TMTC3: variants seen among roughly 807,000 people sequenced by gnomAD.
TMTC3 encodes the protein transmembrane O-mannosyltransferase targeting cadherins 3.
A neutral mutation model predicts 92.2 loss-of-function variants in TMTC3; 52 were observed. The observed-to-expected ratio is 0.56, with a 90% CI of 0.45 to 0.71. The LOEUF is 0.71. Among genes scored for constraint, TMTC3 ranks in the 30% least tolerant of loss-of-function variants. The probability of loss-of-function intolerance (pLI) is 0.00; values close to 1 mark genes in which losing one functional copy is unlikely to be tolerated. For missense variants in TMTC3, 896 were observed against 1,057.1 expected (o/e 0.85, Z 2.11); for synonymous variants, 339 against 363.3 (o/e 0.93, Z 0.76).
At chr12:88,167,955 G>A (rs546786436) in intron 7 of TMTC3, among the ~76,000 whole-genome samples, 1 of 152,272 alleles carries the variant, frequency 6.6e-6, no homozygotes, top group Non-Finnish European at 1.5e-5. Flanking sequence ...GATGGTAGCT[G>A]TTAACATTCT....
intron 8 of TMTC3, chr12:88,173,151 T>C: frequency 8.9e-7 from 1 of 1,123,664 alleles, no homozygotes; most frequent in South Asian, 1.6e-5. Context: ...AATTTCTTGC[T>C]ATCATCACTA....
At chr12:88,164,379 G>GGT (rs2041119392) in intron 6 of TMTC3, among the ~76,000 whole-genome samples, 1 of 151,870 alleles carries the variant, frequency 6.6e-6, no homozygotes, top group Admixed American at 6.6e-5. Context: ...GCTCAGCCTG[G>GGT]GTTCCCTCTT....
intron 2 of TMTC3, among the ~76,000 whole-genome samples, chr12:88,150,511 G>A (rs1025935732): frequency 6.6e-6 from 1 of 152,064 alleles, no homozygotes; most frequent in Non-Finnish European, 1.5e-5. Flanking sequence ...ATTTGATTTT[G>A]TTCAGAAAGC....
At chr12:88,178,482 T>A (rs2041282817) in intron 10 of TMTC3, among the ~76,000 whole-genome samples, 1 of 152,110 alleles carries the variant, frequency 6.6e-6, no homozygotes, top group Non-Finnish European at 1.5e-5. Context: ...TAAAACCCCT[T>A]AACTTCCTCT....
chr12:88,189,517 TTTTA>T (rs1196240417), intron 11 of TMTC3, among the ~76,000 whole-genome samples: 3 of 152,320 alleles, frequency 2.0e-5, no homozygotes, highest in East Asian at 3.9e-4. Context: ...ATAAATATAA[TTTTA>T]TTTATGTATA....
intron 1 of TMTC3, among the ~76,000 whole-genome samples, 187 bp downstream of exon 1, chr12:88,142,674 A>G (rs561890132): frequency 6.6e-6 from 1 of 152,332 alleles, no homozygotes; most frequent in African/African-American, 2.4e-5. Context: ...GAAAAAACAA[A>G]AAGTTTTAGC....
chr12:88,161,158 G>A (rs1163673652), intron 6 of TMTC3, among the ~76,000 whole-genome samples: 1 of 152,010 alleles, frequency 6.6e-6, no homozygotes, highest in Admixed American at 6.5e-5. Context: ...GTCAGTTACT[G>A]AGAGATGTTG....
chr12:88,164,968 G>C (rs1403624070), intron 6 of TMTC3, among the ~76,000 whole-genome samples: 2 of 152,040 alleles, frequency 1.3e-5, no homozygotes, highest in Non-Finnish European at 2.9e-5. Context: ...AAATAGAGAA[G>C]ATTGAATTGT....
At chr12:88,172,206 G>A (rs564713139) in intron 7 of TMTC3, among the ~76,000 whole-genome samples, 1 of 152,088 alleles carries the variant, frequency 6.6e-6, no homozygotes, top group East Asian at 1.9e-4. Flanking sequence ...ATTCTTTACA[G>A]AAAACCAGTG....
Position 88,173,816 on chromosome 12 carries a change from G to C in TMTC3, c.1200-791G>C, listed in dbSNP as rs182024573. On this transcript the variant is annotated intron_variant, in intron 8 of 13. Transcript: ENST00000266712. Reference sequence around the variant, plus strand: ...TCTTGACACTTCTTAAGTCTGCTTTGCAGATGTGAACATTGAAGCCATATA... The same window carrying C: ...TCTTGACACTTCTTAAGTCTGCTTTCCAGATGTGAACATTGAAGCCATATA... Among the ~76,000 whole-genome samples, 258 of 152,104 alleles carry C rather than the reference G, an allele frequency of 1.7e-3. 1 individual carries two copies. The highest frequency in any genetic ancestry group is 4.6e-3 in the Admixed American group (71 of 15,270).
chr12:88,152,752 T>C (rs2040958154), intron 2 of TMTC3, among the ~76,000 whole-genome samples: 4 of 152,200 alleles, frequency 2.6e-5, no homozygotes, highest in Admixed American at 2.0e-4. Flanking sequence ...CTCTCTGTAA[T>C]TTGGGAATTC....
chr12:88,193,798 G>A (rs2041470813), intron 13 of TMTC3, among the ~76,000 whole-genome samples: 1 of 152,036 alleles, frequency 6.6e-6, no homozygotes, highest in Non-Finnish European at 1.5e-5. Flanking sequence ...TTTTTGTAAG[G>A]TTTTCTACCT....
At chr12:88,181,157 G>A (rs1408493555) in intron 10 of TMTC3, among the ~76,000 whole-genome samples, 1 of 152,060 alleles carries the variant, frequency 6.6e-6, no homozygotes. Flanking sequence ...AATTTTTGTG[G>A]GCCACCCCAT....
chr12:88,195,593 A>G lies in TMTC3; in HGVS notation c.2689A>G (p.Arg897Gly). Residue 897 changes from arginine to glycine, a missense_variant, in exon 14 of 14, where the codon AGA (arginine) becomes GGA (glycine). By Grantham distance (125) the Arg-to-Gly change is moderately radical. Transcript: ENST00000266712. ...AGACATCAAAGAAATTGAGAAGAAA[A>G]GAGTTGCTGCTTTAAAAAGACTAGA... The part of the protein sequence containing the change: ...TKDIKEIEKK[R>G]VAALKRLEEI... 6.2e-7 allele frequency: 1 copy of G among 1,603,874 alleles called. No individual in the cohort carries two copies. Among genetic ancestry groups the G allele is most frequent in the Non-Finnish European group, 8.5e-7 (1 of 1,177,494 alleles).
intron 10 of TMTC3, among the ~76,000 whole-genome samples, chr12:88,184,528 A>G (rs1483185735): frequency 6.6e-6 from 1 of 152,176 alleles, no homozygotes; most frequent in African/African-American, 2.4e-5. Flanking sequence ...CACCCTGACC[A>G]AACTCCTACA....
intron 13 of TMTC3, among the ~76,000 whole-genome samples, chr12:88,193,853 A>G (rs924297917): frequency 6.6e-6 from 1 of 152,154 alleles, no homozygotes; most frequent in African/African-American, 2.4e-5. Context: ...AGATTGTACT[A>G]TAAGGTTTGT....
intron 1 of TMTC3, among the ~76,000 whole-genome samples, chr12:88,144,403 C>G (rs184336702): frequency 6.6e-6 from 1 of 150,744 alleles, no homozygotes; most frequent in Non-Finnish European, 1.5e-5. Flanking sequence ...AACACCTTTT[C>G]TTCTGTTTTT....
chr12:88,156,250 G>T (rs977255446), intron 4 of TMTC3, among the ~76,000 whole-genome samples: 1 of 152,202 alleles, frequency 6.6e-6, no homozygotes, highest in African/African-American at 2.4e-5. Flanking sequence ...GTGAGCTCAA[G>T]CACATGTTCT....
In TMTC3 at chr12:88,195,615, T is replaced by C; in HGVS notation, c.2711T>C (p.Leu904Pro). ...AAAAGAGTTGCTGCTTTAAAAAGAC[T>C]AGAAGAGATTGAACGTATTTTAAAT... The part of the protein sequence containing the change: ...EKKRVAALKR[L>P]EEIERILNGE The change falls in exon 14 of 14, where the codon CTA becomes CCA. Residue 904 changes from leucine to proline, a missense_variant. By Grantham distance (98) the Leu-to-Pro change is moderately conservative. Coordinates refer to ENST00000266712, the MANE Select transcript of TMTC3 (RefSeq NM_181783.4). The C allele has an allele frequency of 1.9e-6, 3 of 1,595,948 alleles. No individual in the cohort carries two copies. The highest frequency in any genetic ancestry group is 2.6e-6 in the Non-Finnish European group (3 of 1,175,456).
Sources: allele counts gnomAD v4.1 joint callset (sites outside exome capture counted in the v4.1 genomes callset), GRCh38; gene constraint gnomAD v4.1.1; transcripts MANE v1.5; gene names NCBI Gene and HGNC (gene_info 2026-07-23, HGNC 2026-07-21).